The following GRIA4 variants were observed in gnomAD, a reference collection of about 807,000 sequenced individuals.
GRIA4 encodes glutamate ionotropic receptor AMPA type subunit 4.
A neutral mutation model predicts 104.0 loss-of-function variants in GRIA4; 34 were observed. That is an observed-to-expected ratio of 0.33 (90% CI 0.25 to 0.44). The LOEUF is 0.44. GRIA4 is among the 20% of genes least tolerant of loss of function. The pLI is 1.00. For synonymous variants in GRIA4, 386 were observed against 381.9 expected (o/e 1.01, Z -0.13); for missense variants, 750 against 1,096.5 (o/e 0.68, Z 4.46).
At chr11:105,788,441 G>A (rs997065726) in intron 4 of GRIA4, among the ~76,000 whole-genome samples, 17 of 152,056 alleles carry the variant, frequency 1.1e-4, no homozygotes, top group South Asian at 8.3e-4. Context: ...CAGCTGCAAC[G>A]TATGTTTATC....
At chr11:105,705,834 G>A (rs538406898) in intron 3 of GRIA4, among the ~76,000 whole-genome samples, 4 of 152,186 alleles carry the variant, frequency 2.6e-5, no homozygotes, top group African/African-American at 9.6e-5. Context: ...TTTTTGGAGA[G>A]GAATTTAACA....
chr11:105,935,139 A>G (rs1189595406), intron 14 of GRIA4, among the ~76,000 whole-genome samples: 1 of 152,176 alleles, frequency 6.6e-6, no homozygotes. Context: ...AGAGAGATAT[A>G]AGAAACAAAC....
At chr11:105,831,559 C>T (rs1943978927) in intron 4 of GRIA4, among the ~76,000 whole-genome samples, 1 of 152,000 alleles carries the variant, frequency 6.6e-6, no homozygotes, top group Non-Finnish European at 1.5e-5. Flanking sequence ...TACAAAAATC[C>T]TTCCTGTGTT....
chr11:105,752,556 T>A (rs752428884), intron 3 of GRIA4, among the ~76,000 whole-genome samples: 3 of 152,202 alleles, frequency 2.0e-5, no homozygotes, highest in Non-Finnish European at 4.4e-5. Flanking sequence ...ATTATAAATG[T>A]TCCTTCAATT....
chr11:105,761,622 T>C (rs1355226163), intron 4 of GRIA4, among the ~76,000 whole-genome samples: 1 of 152,114 alleles, frequency 6.6e-6, no homozygotes, highest in African/African-American at 2.4e-5. Context: ...TGACAACATA[T>C]AAATAAATGA....
At chr11:105,618,423 A>C (rs953087406) in intron 3 of GRIA4, among the ~76,000 whole-genome samples, 1 of 152,104 alleles carries the variant, frequency 6.6e-6, no homozygotes, top group Middle Eastern at 3.4e-3. Context: ...TGGAGGAGAG[A>C]GAAAAGCACA....
At chr11:105,895,386 G>A (rs1351007884) in intron 6 of GRIA4, among the ~76,000 whole-genome samples, 1 of 151,650 alleles carries the variant, frequency 6.6e-6, no homozygotes, top group Non-Finnish European at 1.5e-5. Context: ...ACTTTTTATT[G>A]AGTGTGGATT....
chr11:105,753,581 A>T (rs963555533), intron 4 of GRIA4, among the ~76,000 whole-genome samples: 1 of 151,994 alleles, frequency 6.6e-6, no homozygotes, highest in African/African-American at 2.4e-5. Context: ...CAGCTAAGCG[A>T]CCCTCCAGAG....
In GRIA4 at chr11:105,800,240, A is replaced by T. The variant is rs528235511; in HGVS notation, c.487+47020A>T. The stretch of plus-strand genomic sequence containing the variant: ...TTTTGCCAATGTCAAAGGTATAAAC[A>T]TGAGAGTGAGTGACTACAGTGTGAA... On this transcript the variant is annotated intron_variant, in intron 4 of 16. Coordinates refer to ENST00000282499, the MANE Select transcript of GRIA4 (RefSeq NM_000829.4). Among the ~76,000 whole-genome samples the T allele has an allele frequency of 2.6e-4, 40 of 152,230 alleles. 1 individual carries two copies. Among genetic ancestry groups the T allele is most frequent in the South Asian group, 1.7e-3 (8 of 4,830 alleles).
chr11:105,818,510 T>A (rs968473048), intron 4 of GRIA4, among the ~76,000 whole-genome samples: 1 of 152,188 alleles, frequency 6.6e-6, no homozygotes, highest in Non-Finnish European at 1.5e-5. Flanking sequence ...CTCCAACTAT[T>A]CAATTAATAT....
At chr11:105,897,510 C>A (rs912939454) in intron 6 of GRIA4, among the ~76,000 whole-genome samples, 1 of 151,952 alleles carries the variant, frequency 6.6e-6, no homozygotes, top group South Asian at 2.1e-4. Flanking sequence ...ATGCTTCAAG[C>A]TTTTGCCCAG....
At chr11:105,639,236 A>T (rs1471764483) in intron 3 of GRIA4, among the ~76,000 whole-genome samples, 5 of 152,124 alleles carry the variant, frequency 3.3e-5, no homozygotes, top group African/African-American at 1.2e-4. Context: ...AAGTTCACTG[A>T]TTTACTTTTG....
rs532088881 is a variant in GRIA4 at position 105,772,043 on chromosome 11, C to G, written c.487+18823C>G. On this transcript the variant is annotated intron_variant, in intron 4 of 16. Coordinates refer to ENST00000282499, the MANE Select transcript of GRIA4 (RefSeq NM_000829.4). Reference sequence around the variant, plus strand: ...AAAATTGACTATAGTACATACTAATCCACTGTAATAATTTCATAGCCACCT... The same window carrying G: ...AAAATTGACTATAGTACATACTAATGCACTGTAATAATTTCATAGCCACCT... Among the ~76,000 whole-genome samples, 167 of 152,110 alleles carry G rather than the reference C, an allele frequency of 1.1e-3. 2 individuals are homozygous for G. The highest frequency in any genetic ancestry group is 0.01 in the Middle Eastern group (3 of 294).
chr11:105,926,367 T>C (rs531535973), intron 12 of GRIA4, among the ~76,000 whole-genome samples: 16 of 152,240 alleles, frequency 1.1e-4, no homozygotes, highest in African/African-American at 3.6e-4. Context: ...CTATATTTTA[T>C]CTCATCAACC....
intron 14 of GRIA4, among the ~76,000 whole-genome samples, chr11:105,949,726 G>T (rs903602006): frequency 6.6e-6 from 1 of 152,162 alleles, no homozygotes; most frequent in African/African-American, 2.4e-5. Context: ...GAAAGGCTAA[G>T]AGAAGGGAAA....
chr11:105,690,269 C>T (rs1421629366), intron 3 of GRIA4, among the ~76,000 whole-genome samples: 2 of 152,174 alleles, frequency 1.3e-5, no homozygotes, highest in East Asian at 1.9e-4. Context: ...TTTACTCTTA[C>T]CTTTCCCTTA....
chr11:105,966,121 T>C (rs1858356563), intron 14 of GRIA4: 2 of 1,188,850 alleles, frequency 1.7e-6, no homozygotes, highest in Non-Finnish European at 2.5e-6. Context: ...GTGCATCTGC[T>C]GGGAGACTTA....
At position 105,890,715 on chromosome 11, in the gene GRIA4, A is replaced by T. The variant is rs555968312; in HGVS notation, c.726+3143A>T. 7.2e-5 allele frequency among the ~76,000 whole-genome samples: 11 copies of T among 152,376 alleles called. No individual in the cohort carries two copies. In the South Asian group the frequency reaches 1.9e-3, roughly 26 times the overall value. ...CTGCAGAAGGTCCAAGAGGAGCCAC[A>T]GGGAGCTAACATCATCTGAACAGCA... On this transcript the variant is annotated intron_variant, in intron 6 of 16. Coordinates refer to ENST00000282499, the MANE Select transcript of GRIA4 (RefSeq NM_000829.4).
intron 4 of GRIA4, among the ~76,000 whole-genome samples, chr11:105,785,624 T>G (rs1356183499): frequency 6.6e-6 from 1 of 152,152 alleles, no homozygotes; most frequent in African/African-American, 2.4e-5. Context: ...ACATTATAAA[T>G]CAAGTGATGT....
Sources: allele counts gnomAD v4.1 joint callset (sites outside exome capture counted in the v4.1 genomes callset), GRCh38; gene constraint gnomAD v4.1.1; transcripts MANE v1.5; gene names NCBI Gene and HGNC (gene_info 2026-07-23, HGNC 2026-07-21).